The following BANK1 variants were observed in gnomAD, a reference collection of about 807,000 sequenced individuals.
BANK1 encodes B-cell scaffold protein with ankyrin repeats.
A neutral mutation model predicts 94.5 loss-of-function variants in BANK1; 95 were observed. The observed-to-expected ratio is 1.00, with a 90% confidence interval of 0.85 to 1.19. The LOEUF (loss-of-function observed/expected upper bound fraction) is 1.19, where lower values mean the gene tolerates loss of function less well. Ranked by LOEUF, BANK1 falls within the 50% of genes most tolerant of loss-of-function variation. The pLI is 0.00. For synonymous variants in BANK1, 334 were observed against 308.4 expected, an observed-to-expected ratio of 1.08 and a Z score of -0.87; for missense variants, 987 against 932.2, an observed-to-expected ratio of 1.06 and a Z score of -0.77.
chr4:101,927,987 T>C (rs568030475), intron 7 of BANK1, among the ~76,000 whole-genome samples: 14 of 151,798 alleles, frequency 9.2e-5, no homozygotes, highest in Admixed American at 9.2e-4. Flanking sequence ...CCACATTAAA[T>C]GCTACTGACA....
At chr4:101,879,437 T>A (rs2148884816) in intron 5 of BANK1, among the ~76,000 whole-genome samples, 1 of 152,036 alleles carries the variant, frequency 6.6e-6, no homozygotes, top group African/African-American at 2.4e-5. Context: ...CAATAACAAG[T>A]AACTAAATTG....
intron 7 of BANK1, among the ~76,000 whole-genome samples, chr4:101,928,765 C>T (rs558288802): frequency 6.4e-4 from 97 of 151,752 alleles, no homozygotes; most frequent in Non-Finnish European, 1.2e-3. Context: ...TGGACCACGT[C>T]GCTAAATAAG....
At chr4:101,905,113 AGG>A (rs1378180969) in intron 6 of BANK1, among the ~76,000 whole-genome samples, 5 of 152,214 alleles carry the variant, frequency 3.3e-5, no homozygotes, top group African/African-American at 4.8e-5. Context: ...TCTGCTTTCC[AGG>A]GAACAGAAGT....
At chr4:101,897,496 G>T (rs1417959652) in intron 6 of BANK1, among the ~76,000 whole-genome samples, 2 of 151,954 alleles carry the variant, frequency 1.3e-5, no homozygotes, top group African/African-American at 4.8e-5. Context: ...CTCTGGATGG[G>T]TTATATCGGA....
chr4:102,068,613 G>A (rs147942513), intron 13 of BANK1, among the ~76,000 whole-genome samples: 1 of 152,084 alleles, frequency 6.6e-6, no homozygotes, highest in Non-Finnish European at 1.5e-5. Flanking sequence ...GATCACCTGA[G>A]GTCAAGAGTT....
At chr4:101,899,480 T>C (rs1188149419) in intron 6 of BANK1, among the ~76,000 whole-genome samples, 1 of 152,186 alleles carries the variant, frequency 6.6e-6, no homozygotes, top group Non-Finnish European at 1.5e-5. Flanking sequence ...AACTGATGCT[T>C]CAGTTTGAAT....
intron 10 of BANK1, among the ~76,000 whole-genome samples, chr4:102,031,091 A>T (rs566347756): frequency 6.6e-6 from 1 of 152,024 alleles, no homozygotes; most frequent in East Asian, 1.9e-4. Flanking sequence ...CCACATCCTC[A>T]CCAGCATCTG....
chr4:101,840,104 G>T (rs1726986231), intron 2 of BANK1, among the ~76,000 whole-genome samples: 1 of 145,776 alleles, frequency 6.9e-6, no homozygotes, highest in Non-Finnish European at 1.5e-5. Context: ...AAGTAGCTGG[G>T]ACTACAGGCG....
chr4:102,072,350 G>A lies in BANK1; in HGVS notation c.2248G>A (p.Glu750Lys). ...LTIVHHPGGK[E>K]TAHNENKFYN... The stretch of plus-strand genomic sequence containing the variant: ...AACTGAGTTTGTATTTCTAGGTAAG[G>A]AAACTGCCCACAATGAAAATAAGTT... Residue 750 changes from glutamate to lysine, a missense_variant, in exon 15 of 17, where the codon GAA (glutamate) becomes AAA (lysine). By Grantham distance (56) the Glu-to-Lys change is moderately conservative. Transcript: ENST00000322953. 1 of 1,590,628 alleles carries A rather than the reference G, an allele frequency of 6.3e-7. No individual in the cohort carries two copies. The highest frequency in any genetic ancestry group is 8.6e-7 in the Non-Finnish European group (1 of 1,159,882).
chr4:101,913,177 C>T (rs1722721097), intron 6 of BANK1, among the ~76,000 whole-genome samples: 1 of 152,110 alleles, frequency 6.6e-6, no homozygotes, highest in Non-Finnish European at 1.5e-5. Context: ...CAAGACACAG[C>T]AGAGACAAAG....
rs1408937146 is a variant in BANK1, at chr4:101,853,664, T to C, written c.470-1371T>C. Among the ~76,000 whole-genome samples the C allele has an allele frequency of 6.6e-5, 10 of 152,262 alleles. No homozygotes were observed. The East Asian group carries it at 1.9e-3, about 29-fold the overall frequency. ...TCAAGAAGCAGGCGTAATTTTATGA[T>C]TTGACATATTAATGGAATATTAATG... On this transcript the variant is annotated intron_variant, in intron 2 of 16. Transcript: ENST00000322953.
chr4:101,983,475 A>AT (rs199576078), intron 7 of BANK1, among the ~76,000 whole-genome samples: 1,798 of 152,210 alleles, frequency 0.012, 17 homozygotes, highest in Middle Eastern at 0.017. Context: ...CAATTTGTTC[A>AT]AAACAAACTG....
rs1491352771 is a variant in BANK1, at chr4:102,007,066, T to TATATATATAAATATATTATATATATA, written c.1207-14448_1207-14447insATATATATAAATATATTATATATATA. Among the ~76,000 whole-genome samples, 64 of 99,152 alleles carry TATATATATAAATATATTATATATATA rather than the reference T, an allele frequency of 6.5e-4. 1 individual carries two copies. Among genetic ancestry groups the TATATATATAAATATATTATATATATA allele is most frequent in the African/African-American group, 2.4e-3 (60 of 24,598 alleles). The allele number at this position is 99,152 out of a possible 152,430, so 65.0% of individuals were successfully genotyped here. A position where few individuals can be genotyped will look rare whatever the true frequency, so the allele number is the denominator to read the frequency against. On this transcript the variant is annotated intron_variant, in intron 7 of 16. Transcript: ENST00000322953. ...ATATATATATATATAAAATATATAA[T>TATATATATAAATATATTATATATATA]TTTATATATATATAAATATATATAT...
chr4:102,025,030 AC>A (rs757289257), intron 8 of BANK1, among the ~76,000 whole-genome samples, 170 bp from the exon 9 acceptor site: 73 of 152,324 alleles, frequency 4.8e-4, no homozygotes, highest in Middle Eastern at 6.8e-3. Flanking sequence ...TATTTTAAAA[AC>A]CCAGAAATAA....
chr4:101,828,786 CTT>C (rs1184809426), intron 1 of BANK1, among the ~76,000 whole-genome samples: 1 of 152,016 alleles, frequency 6.6e-6, no homozygotes, highest in African/African-American at 2.4e-5. Flanking sequence ...ATTGTGGTGA[CTT>C]TGTTTTCTTT....
intron 13 of BANK1, among the ~76,000 whole-genome samples, chr4:102,065,558 T>C (rs1728563425): frequency 6.6e-6 from 1 of 152,026 alleles, no homozygotes; most frequent in Non-Finnish European, 1.5e-5. Context: ...TACAGGAAAC[T>C]GTAATCTTAA....
chr4:101,953,885 A>G (rs879684071), intron 7 of BANK1, among the ~76,000 whole-genome samples: 5 of 152,008 alleles, frequency 3.3e-5, no homozygotes, highest in Admixed American at 6.6e-5. Context: ...TGCCTTCTGT[A>G]TTTGTTTTCT....
intron 5 of BANK1, among the ~76,000 whole-genome samples, chr4:101,872,133 G>A (rs529145568): frequency 6.6e-6 from 1 of 152,196 alleles, no homozygotes; most frequent in Admixed American, 6.5e-5. Flanking sequence ...TGTTGGGCAG[G>A]CACAGGATGA....
intron 7 of BANK1, among the ~76,000 whole-genome samples, chr4:101,920,915 A>G (rs1451523080): frequency 6.6e-6 from 1 of 151,860 alleles, no homozygotes; most frequent in African/African-American, 2.4e-5. Context: ...ATTGTTAGGT[A>G]TATGAAGGAG....
Sources: allele counts gnomAD v4.1 joint callset (sites outside exome capture counted in the v4.1 genomes callset), GRCh38; gene constraint gnomAD v4.1.1; transcripts MANE v1.5; gene names NCBI Gene and HGNC (gene_info 2026-07-23, HGNC 2026-07-21).